The following R3HCC1L variants were observed in gnomAD, a reference collection of about 807,000 sequenced individuals.
R3HCC1L encodes coiled-coil domain-containing protein R3HCC1L.
In R3HCC1L, 51 loss-of-function variants were observed where a neutral mutation model predicts 59.9. The observed-to-expected ratio is 0.85, with a 90% CI of 0.68 to 1.07. The LOEUF is 1.07. Among genes scored for constraint, R3HCC1L ranks in the 50% least tolerant of loss-of-function variants. The pLI, the probability that R3HCC1L is intolerant of heterozygous loss-of-function variation, is 0.00. For synonymous variants in R3HCC1L, 322 were observed against 315.2 expected, an observed-to-expected ratio of 1.02 and a Z score of -0.23; for missense variants, 965 against 933.0, an observed-to-expected ratio of 1.03 and a Z score of -0.45.
At chr10:98,216,126 A>T (rs1420118644) in intron 5 of R3HCC1L, among the ~76,000 whole-genome samples, 1 of 152,218 alleles carries the variant, frequency 6.6e-6, no homozygotes, top group African/African-American at 2.4e-5. Context: ...CTTCATGATT[A>T]ACCAGGGCAG....
At chr10:98,189,208 G>A (rs1590631902) in intron 4 of R3HCC1L, among the ~76,000 whole-genome samples, 1 of 152,116 alleles carries the variant, frequency 6.6e-6, no homozygotes. Context: ...GTGACAGATG[G>A]TGAAGAGAAA....
chr10:98,217,888 A>C (rs1854401547), intron 5 of R3HCC1L, among the ~76,000 whole-genome samples: 1 of 151,776 alleles, frequency 6.6e-6, no homozygotes, highest in East Asian at 1.9e-4. Flanking sequence ...AATTTACTGA[A>C]TTTCTTTATC....
At chr10:98,242,933 AT>A (rs1857701884) in intron 9 of R3HCC1L, among the ~76,000 whole-genome samples, 1 of 152,232 alleles carries the variant, frequency 6.6e-6, no homozygotes, top group South Asian at 2.1e-4. Flanking sequence ...GTTCCAGGGC[AT>A]TCTCTACCAG....
intron 1 of R3HCC1L, among the ~76,000 whole-genome samples, chr10:98,135,118 C>T (rs886374011): frequency 6.6e-6 from 1 of 152,218 alleles, no homozygotes; most frequent in Non-Finnish European, 1.5e-5. Flanking sequence ...TCGAGCCTCG[C>T]CTTTGAGCCT....
Position 98,163,398 on chromosome 10 carries a change from G to T in R3HCC1L, c.-15+1G>T. ...TAAGAAAATAAATGTTACTTACATGGTAAGTTGCCTTTACTTATGCATATT... is the reference window on the plus strand; with the variant it reads ...TAAGAAAATAAATGTTACTTACATGTTAAGTTGCCTTTACTTATGCATATT... On this transcript the variant is annotated splice_donor_variant, in intron 4 of 9. Coordinates refer to ENST00000298999, the MANE Select transcript of R3HCC1L (RefSeq NM_001351015.2). LOFTEE classifies it low-confidence loss of function (5UTR_SPLICE). 7.5e-7 allele frequency: 1 copy of T among 1,325,534 alleles called. No individual in the cohort carries two copies. 82.1% of individuals were successfully genotyped at this position (1,325,534 alleles called of 1,614,324 possible).
At chr10:98,185,906 T>G (rs1251101164) in intron 4 of R3HCC1L, among the ~76,000 whole-genome samples, 1 of 152,142 alleles carries the variant, frequency 6.6e-6, no homozygotes, top group Non-Finnish European at 1.5e-5. Flanking sequence ...ATCCAGGCAT[T>G]TGTATGTGTT....
intron 1 of R3HCC1L, among the ~76,000 whole-genome samples, chr10:98,142,366 CT>C (rs1226839887): frequency 2.0e-5 from 3 of 152,000 alleles, no homozygotes; most frequent in Non-Finnish European, 4.4e-5. Context: ...TCTTTCTTTT[CT>C]TTTTTTGTAC....
intron 4 of R3HCC1L, among the ~76,000 whole-genome samples, chr10:98,167,371 T>G (rs1157144377): frequency 6.6e-6 from 1 of 152,224 alleles, no homozygotes; most frequent in Non-Finnish European, 1.5e-5. Flanking sequence ...TTTCTCAGTT[T>G]CTCACCAGGC....
chr10:98,162,289 T>C (rs1847503811), intron 2 of R3HCC1L, among the ~76,000 whole-genome samples: 1 of 152,230 alleles, frequency 6.6e-6, no homozygotes. Flanking sequence ...AGAAGTCTAG[T>C]TACTTCCTTA....
chr10:98,174,656 A>G (rs918346803), intron 4 of R3HCC1L: 14 of 985,194 alleles, frequency 1.4e-5, no homozygotes, highest in Non-Finnish European at 1.6e-5. Flanking sequence ...AGTTGGAAGG[A>G]GCAGACAATG....
At chr10:98,189,697 T>C (rs1850627172) in intron 4 of R3HCC1L, among the ~76,000 whole-genome samples, 1 of 152,214 alleles carries the variant, frequency 6.6e-6, no homozygotes, top group South Asian at 2.1e-4. Context: ...CATTGTATTA[T>C]AATAACTAGT....
intron 5 of R3HCC1L, among the ~76,000 whole-genome samples, chr10:98,218,606 T>C (rs1284318227): frequency 6.6e-6 from 1 of 152,220 alleles, no homozygotes; most frequent in Non-Finnish European, 1.5e-5. Context: ...TTCTAATTCT[T>C]CGAGGTGCTT....
At chr10:98,138,790 C>T (rs1844839071) in intron 1 of R3HCC1L, among the ~76,000 whole-genome samples, 1 of 152,010 alleles carries the variant, frequency 6.6e-6, no homozygotes, top group South Asian at 2.1e-4. Context: ...AATCCAGGCT[C>T]ACTAGATGTA....
Position 98,183,992 on chromosome 10 carries a change from T to C in R3HCC1L, c.-15+20595T>C, listed in dbSNP as rs559018252. 1.6e-3 allele frequency among the ~76,000 whole-genome samples: 234 copies of C among 150,076 alleles called. 2 individuals are homozygous for C. The highest frequency in any genetic ancestry group is 5.5e-3 in the African/African-American group (223 of 40,440). On this transcript the variant is annotated intron_variant, in intron 4 of 9. Transcript: ENST00000298999. ...TTTTTTTGGTTGAAATCTGGACATT[T>C]TGTGTAGAGAGCCAGTTAAATGGTA...
intron 1 of R3HCC1L, among the ~76,000 whole-genome samples, chr10:98,146,931 G>C (rs1432995068): frequency 1.3e-5 from 2 of 152,132 alleles, no homozygotes; most frequent in Non-Finnish European, 1.5e-5. Flanking sequence ...TCCAGTAGTG[G>C]AATTGCTGGA....
In R3HCC1L at chr10:98,211,539, A is replaced by G. The variant is rs1853576202; in HGVS notation, c.1785+1640A>G. On this transcript the variant is annotated intron_variant, in intron 5 of 9. Transcript: ENST00000298999. ...AGCATTGAGAGAAGGCTTTAGTCTG[A>G]GAAAAGAAACAGTGTTCGCAAGAGT... is the stretch of plus-strand genomic sequence containing the variant. Among the ~76,000 whole-genome samples the G allele has an allele frequency of 1.3e-5, 2 of 152,186 alleles. 1 individual carries two copies. The highest frequency in any genetic ancestry group is 4.1e-4 in the South Asian group (2 of 4,834).
intron 1 of R3HCC1L, among the ~76,000 whole-genome samples, chr10:98,135,987 C>T (rs189206398): frequency 1.4e-3 from 219 of 151,612 alleles, no homozygotes; most frequent in Non-Finnish European, 2.6e-3. Context: ...CTTATTTTTC[C>T]CCTTACAGAG....
At chr10:98,226,840 T>C (rs761572876) in intron 5 of R3HCC1L, among the ~76,000 whole-genome samples, 55 of 152,258 alleles carry the variant, frequency 3.6e-4, no homozygotes, top group Non-Finnish European at 6.9e-4. Context: ...TGCCCACTTA[T>C]GTGGTGATCA....
chr10:98,173,937 C>T (rs1336308500), intron 4 of R3HCC1L, among the ~76,000 whole-genome samples: 2 of 152,086 alleles, frequency 1.3e-5, no homozygotes, highest in Non-Finnish European at 2.9e-5. Context: ...CTGTGAGCTG[C>T]GTGTATGTTG....
Sources: gnomAD v4.1 joint callset for allele counts (sites outside exome capture counted in the v4.1 genomes callset) on GRCh38, gnomAD v4.1.1 for gene constraint, MANE v1.5 for transcripts, NCBI Gene and HGNC (gene_info 2026-07-23, HGNC 2026-07-21) for gene names.